Variants in CKLF observed in about 807,000 individuals in gnomAD.
CKLF encodes chemokine-like factor.
Under a neutral mutation model 12.9 loss-of-function variants are expected in CKLF, and 16 were observed. The ratio of observed to expected loss-of-function variants is 1.24; its 90% CI spans 0.84 to 1.88. The LOEUF (loss-of-function observed/expected upper bound fraction) is 1.88, where lower values mean the gene tolerates loss of function less well. Ranked by LOEUF, CKLF falls within the 40% of genes most tolerant of loss-of-function variation. The pLI is 0.00. For synonymous variants in CKLF, 61 were observed against 69.0 expected, an observed-to-expected ratio of 0.88 and a Z score of 0.57; for missense variants, 172 against 188.5, an observed-to-expected ratio of 0.91 and a Z score of 0.51.
chr16:66,558,332 T>C lies in CKLF; in HGVS notation c.221T>C (p.Leu74Ser). ...AGACTTGATCGATTAATGAAGTGGT[T>C]ATTTTGGCCTTTGCTTGTAAGTGTT... ...VLRLDRLMKW[L>S]FWPLLDIINS... The change falls in exon 2 of 4, where the codon TTA becomes TCA. Residue 74 changes from leucine to serine, a missense_variant. By Grantham distance (145) the Leu-to-Ser change is moderately radical (BLOSUM62 -2). Transcript: ENST00000264001. The C allele has an allele frequency of 6.2e-7, 1 of 1,604,274 alleles. No individual in the cohort carries two copies. Among genetic ancestry groups the C allele is most frequent in the Non-Finnish European group, 8.5e-7 (1 of 1,177,868 alleles).
downstream of CKLF, chr16:66,566,287 G>A (rs974529486): frequency 4.2e-6 from 6 of 1,445,348 alleles, no homozygotes; most frequent in Non-Finnish European, 5.4e-6. This position sits in a 1 kb window ranked among gnomAD's most constrained non-coding sequence, Gnocchi z 4.9. Flanking sequence ...CGGCAGCTCC[G>A]AGGTGTGGGG....
chr16:66,560,091 GTGCCCAAA>G (rs1450778669), intron 2 of CKLF, among the ~76,000 whole-genome samples: 2 of 152,064 alleles, frequency 1.3e-5, no homozygotes, highest in African/African-American at 4.8e-5. Context: ...TGAAGAAAAA[GTGCCCAAA>G]CTGAGGGCTG....
chr16:66,556,994 T>C (rs1162675635), intron 1 of CKLF, among the ~76,000 whole-genome samples: 2 of 152,200 alleles, frequency 1.3e-5, no homozygotes, highest in African/African-American at 4.8e-5. Flanking sequence ...TTTTTTCACT[T>C]AACATTGCCA....
At chr16:66,558,026 T>C (rs2011516014) in intron 1 of CKLF, among the ~76,000 whole-genome samples, 164 bp from the exon 2 acceptor site, 1 of 152,196 alleles carries the variant, frequency 6.6e-6, no homozygotes, top group Admixed American at 6.5e-5. Context: ...CAGGCTGGTC[T>C]TGAACTCCTA....
intron 1 of CKLF, among the ~76,000 whole-genome samples, chr16:66,556,347 A>C (rs1255316649): frequency 6.6e-6 from 1 of 152,254 alleles, no homozygotes; most frequent in Non-Finnish European, 1.5e-5. Flanking sequence ...CATTAAATTT[A>C]GTATTTCTGA....
chr16:66,554,747 T>A (rs1171633766), intron 1 of CKLF, among the ~76,000 whole-genome samples: 1 of 151,856 alleles, frequency 6.6e-6, no homozygotes, highest in Non-Finnish European at 1.5e-5. Context: ...AAGATTTGAG[T>A]GAAATGAGGG....
At chr16:66,554,203 A>G (rs1008116237) in intron 1 of CKLF, among the ~76,000 whole-genome samples, 8 of 152,246 alleles carry the variant, frequency 5.3e-5, no homozygotes, top group African/African-American at 1.9e-4. Context: ...CCAGGACAAA[A>G]ATCCCTGACT....
chr16:66,558,066 C>A, intron 1 of CKLF, 124 bp from the exon 2 acceptor site: 1 of 1,446,294 alleles, frequency 6.9e-7, no homozygotes, highest in Non-Finnish European at 9.3e-7. Flanking sequence ...CCTCAGCCTC[C>A]CAAAATGCTG....
chr16:66,557,798 C>T (rs1262335163), intron 1 of CKLF, among the ~76,000 whole-genome samples: 1 of 152,136 alleles, frequency 6.6e-6, no homozygotes, highest in African/African-American at 2.4e-5. Flanking sequence ...GGTGGAAAAA[C>T]ATCAAGAGAA....
At chr16:66,552,879 G>A (rs372414658) in intron 1 of CKLF, 86 bp downstream of exon 1, 4 of 1,592,610 alleles carry the variant, frequency 2.5e-6, no homozygotes, top group Admixed American at 1.7e-5. Context: ...CTGAACGCCT[G>A]TTTGCTTTTC....
chr16:66,556,409 A>G (rs935777762), intron 1 of CKLF, among the ~76,000 whole-genome samples: 1 of 152,212 alleles, frequency 6.6e-6, no homozygotes, highest in African/African-American at 2.4e-5. Flanking sequence ...TGTCTGAAAT[A>G]TTATTAGTGA....
At chr16:66,555,466 T>TG (rs1010010648) in intron 1 of CKLF, among the ~76,000 whole-genome samples, 51 of 152,222 alleles carry the variant, frequency 3.4e-4, no homozygotes, top group African/African-American at 1.2e-3. Flanking sequence ...GAGCCAGATG[T>TG]GGGGAAAAAG....
intron 2 of CKLF, among the ~76,000 whole-genome samples, chr16:66,560,777 A>G (rs1224128663): frequency 7.3e-5 from 11 of 150,308 alleles, no homozygotes; most frequent in Non-Finnish European, 2.9e-5. Flanking sequence ...GAATGGACAC[A>G]TTTAAACAGA....
downstream of CKLF, chr16:66,566,264 C>T: frequency 6.9e-7 from 1 of 1,453,796 alleles, no homozygotes; most frequent in South Asian, 1.4e-5. The surrounding 1 kb of genome is among the most constrained non-coding windows in gnomAD (Gnocchi z 4.9). Context: ...AATCTCTTTA[C>T]TGCCTGGCTG....
At position 66,552,611 on chromosome 16, in the gene CKLF, G is replaced by A; in HGVS notation, c.-105G>A. 1 of 1,562,656 alleles carries A rather than the reference G, an allele frequency of 6.4e-7. No homozygotes were observed. The highest frequency in any genetic ancestry group is 1.3e-5 in the African/African-American group (1 of 74,122). On this transcript the variant is annotated 5_prime_UTR_variant, in exon 1 of 4. Coordinates refer to ENST00000264001, the MANE Select transcript of CKLF (RefSeq NM_016951.4). ...CGAGCTGGGCGAGAAGTAGGGGAGG[G>A]CGGTGCTCCGCCGCGGTGGCGGTTG...
chr16:66,561,466 G>A lies in CKLF; in HGVS notation c.238-1656G>A, dbSNP rs573140166. The stretch of plus-strand genomic sequence containing the variant: ...TACTCTTGAGGATCATTGGTGTTTC[G>A]GGGCAGGCATATCTTTTTTTTTCCC... On this transcript the variant is annotated intron_variant, in intron 2 of 3. Transcript: ENST00000264001. Among the ~76,000 whole-genome samples, 6 of 152,106 alleles carry A rather than the reference G, an allele frequency of 3.9e-5. No individual in the cohort carries two copies. In the East Asian group the frequency reaches 7.7e-4, roughly 20 times the overall value.
intron 2 of CKLF, among the ~76,000 whole-genome samples, chr16:66,561,027 T>C (rs555230380): frequency 1.3e-5 from 2 of 152,082 alleles, no homozygotes; most frequent in South Asian, 2.1e-4. Flanking sequence ...CAGAGTAGAA[T>C]TGGAGCCAGA....
chr16:66,560,359 T>C (rs930369493), intron 2 of CKLF, among the ~76,000 whole-genome samples: 9 of 151,924 alleles, frequency 5.9e-5, no homozygotes, highest in African/African-American at 2.2e-4. Flanking sequence ...TAATGGGAGT[T>C]TTTGGAGGTT....
At chr16:66,557,704 A>C (rs112948801) in intron 1 of CKLF, among the ~76,000 whole-genome samples, 42 of 152,334 alleles carry the variant, frequency 2.8e-4, no homozygotes, top group African/African-American at 9.9e-4. Context: ...ATTTTAAAAG[A>C]ACACAACTGA....
Sources: gnomAD v4.1 joint callset for allele counts (sites outside exome capture counted in the v4.1 genomes callset) on GRCh38, gnomAD v4.1.1 for gene constraint, Gnocchi (gnomAD v3.1) non-coding constraint, MANE v1.5 for transcripts, NCBI Gene and HGNC (gene_info 2026-07-23, HGNC 2026-07-21) for gene names.